Variants in KLHL29 observed in about 807,000 individuals in gnomAD.
KLHL29 encodes the protein kelch-like protein 29.
Under a neutral mutation model 80.4 loss-of-function variants are expected in KLHL29, and 21 were observed. That is an observed-to-expected ratio of 0.26 (90% CI 0.19 to 0.38). KLHL29 has a LOEUF of 0.38. Ranked by LOEUF, KLHL29 falls within the 10% of genes least tolerant of loss-of-function variation. KLHL29 has a pLI of 1.00. For synonymous variants in KLHL29, 511 were observed against 526.8 expected (o/e 0.97, Z 0.41); for missense variants, 867 against 1,223.9 (o/e 0.71, Z 4.35).
chr2:23,533,036 T>C (rs11679334), intron 2 of KLHL29, among the ~76,000 whole-genome samples: 83,228 of 152,036 alleles, frequency 0.55, 23,183 homozygotes, highest in Middle Eastern at 0.66. Context: ...CTGCCTGGCC[T>C]GGTCTTTGAC....
At chr2:23,636,531 A>G (rs1249839981) in intron 3 of KLHL29, among the ~76,000 whole-genome samples, 1 of 152,152 alleles carries the variant, frequency 6.6e-6, no homozygotes, top group East Asian at 1.9e-4. Context: ...CTCACAGCCC[A>G]TCTGGGCCCG....
At chr2:23,544,515 A>AGAAGCACTGTCC (rs1464028421) in intron 2 of KLHL29, among the ~76,000 whole-genome samples, 1 of 152,246 alleles carries the variant, frequency 6.6e-6, no homozygotes, top group African/African-American at 2.4e-5. Context: ...GTCTGTGTTT[A>AGAAGCACTGTCC]GAAGCACTGC....
chr2:23,523,352 A>C (rs1666168004), intron 2 of KLHL29, among the ~76,000 whole-genome samples: 1 of 152,196 alleles, frequency 6.6e-6, no homozygotes, highest in Non-Finnish European at 1.5e-5. Flanking sequence ...ATAAATACTA[A>C]ACGGTGGTTC....
At chr2:23,604,978 C>T (rs538354251) in intron 3 of KLHL29, among the ~76,000 whole-genome samples, 9 of 152,320 alleles carry the variant, frequency 5.9e-5, no homozygotes, top group East Asian at 1.9e-4. Flanking sequence ...TGGGAGGGTC[C>T]GCTGAGCGCC....
At chr2:23,395,586 G>A (rs1436480750) in intron 1 of KLHL29, among the ~76,000 whole-genome samples, 1 of 151,926 alleles carries the variant, frequency 6.6e-6, no homozygotes, top group East Asian at 1.9e-4. Context: ...CTCTACCAAA[G>A]CTACAAAAAT....
chr2:23,643,114 C>T (rs1243721424), intron 5 of KLHL29: 3 of 615,436 alleles, frequency 4.9e-6, no homozygotes, highest in Admixed American at 2.2e-5. Context: ...CTGCAAAGCC[C>T]AGAGCCCGTC....
At chr2:23,587,185 A>C (rs886936338) in intron 3 of KLHL29, among the ~76,000 whole-genome samples, 1 of 151,520 alleles carries the variant, frequency 6.6e-6, no homozygotes, top group Non-Finnish European at 1.5e-5. Context: ...GCTCTTAACC[A>C]AGGAAGCCAG....
intron 3 of KLHL29, among the ~76,000 whole-genome samples, chr2:23,605,134 A>G (rs1370205275): frequency 2.6e-5 from 2 of 77,864 alleles, no homozygotes; most frequent in African/African-American, 9.6e-5. Context: ...TTTTTTGGAG[A>G]CAGGGTTCAC....
chr2:23,693,896 A>G (rs562946996), intron 8 of KLHL29, among the ~76,000 whole-genome samples: 2 of 152,332 alleles, frequency 1.3e-5, no homozygotes, highest in South Asian at 4.1e-4. Context: ...AAACCCCTGC[A>G]TGCAGGAAGA....
chr2:23,391,008 T>G (rs1666309230), intron 1 of KLHL29, among the ~76,000 whole-genome samples: 1 of 152,230 alleles, frequency 6.6e-6, no homozygotes, highest in African/African-American at 2.4e-5. Flanking sequence ...CCAGAACCCT[T>G]CGTCTTGCAG....
At position 23,625,954 on chromosome 2, in the gene KLHL29, G is replaced by A. The variant is rs191761440; in HGVS notation, c.286-13185G>A. Among the ~76,000 whole-genome samples, 292 of 152,334 alleles carry A rather than the reference G, an allele frequency of 1.9e-3. 1 individual carries two copies. Among genetic ancestry groups the A allele is most frequent in the Admixed American group, 3.4e-3 (52 of 15,312 alleles). ...AGAGAGCCCTCCCCAGAACCTGCCCGTGCTGGCACACTGATCTCAGAGGTC... is the reference window on the plus strand; with the variant it reads ...AGAGAGCCCTCCCCAGAACCTGCCCATGCTGGCACACTGATCTCAGAGGTC... On this transcript the variant is annotated intron_variant, in intron 3 of 13. Coordinates refer to ENST00000486442, the MANE Select transcript of KLHL29 (RefSeq NM_052920.2).
chr2:23,704,029 G>C (rs1267495667), intron 13 of KLHL29, among the ~76,000 whole-genome samples, 166 bp downstream of exon 13: 1 of 152,202 alleles, frequency 6.6e-6, no homozygotes, highest in African/African-American at 2.4e-5. Flanking sequence ...GACCAGTAGG[G>C]TGGAGCCCAC....
chr2:23,422,128 TTGTG>T (rs1662831880), intron 1 of KLHL29, among the ~76,000 whole-genome samples: 1 of 151,556 alleles, frequency 6.6e-6, no homozygotes, highest in Non-Finnish European at 1.5e-5. Context: ...GGGTGGGTCT[TTGTG>T]TGTTGTGTGT....
intron 1 of KLHL29, among the ~76,000 whole-genome samples, chr2:23,425,739 G>A (rs1301806456): frequency 2.6e-5 from 4 of 152,214 alleles, no homozygotes; most frequent in East Asian, 1.9e-4. Flanking sequence ...GGGTGCAGGC[G>A]ACATCATTTC....
chr2:23,687,229 G>A (rs905658403), intron 6 of KLHL29, among the ~76,000 whole-genome samples: 6 of 149,244 alleles, frequency 4.0e-5, no homozygotes, highest in African/African-American at 1.2e-4. Context: ...ACCTCCGTGG[G>A]GATCAACATT....
intron 3 of KLHL29, among the ~76,000 whole-genome samples, chr2:23,602,733 C>T (rs1003762832): frequency 5.9e-5 from 9 of 151,704 alleles, no homozygotes; most frequent in East Asian, 3.9e-4. Context: ...GGATTACAGG[C>T]GTGAGGCACC....
rs1203093392 is a variant in KLHL29, at chr2:23,700,913, A to G, written c.2106-2273A>G. On this transcript the variant is annotated intron_variant, in intron 11 of 13. Transcript: ENST00000486442. This position sits in a 1 kb window ranked among gnomAD's most constrained non-coding sequence, Gnocchi z 4.6. ...TCTCAGCTCCCCTCTTAAAGACTAC[A>G]TTTCCCCAGTTTGTCCTCAGCCCCC... 2.6e-5 allele frequency among the ~76,000 whole-genome samples: 4 copies of G among 151,832 alleles called. No homozygotes were observed. Among genetic ancestry groups the G allele is most frequent in the Non-Finnish European group, 4.4e-5 (3 of 67,992 alleles).
At chr2:23,551,823 G>A (rs1244399886) in intron 2 of KLHL29, among the ~76,000 whole-genome samples, 1 of 152,092 alleles carries the variant, frequency 6.6e-6, no homozygotes, top group Non-Finnish European at 1.5e-5. Flanking sequence ...AGTAGTCCCA[G>A]GGCAAGGCCC....
chr2:23,686,563 C>T (rs1458838927), intron 6 of KLHL29, among the ~76,000 whole-genome samples: 1 of 152,028 alleles, frequency 6.6e-6, no homozygotes, highest in Admixed American at 6.6e-5. Flanking sequence ...AGCACCAGGA[C>T]CCAAGGAGGT....
Sources: allele counts gnomAD v4.1 joint callset (sites outside exome capture counted in the v4.1 genomes callset), GRCh38; gene constraint gnomAD v4.1.1; non-coding constraint Gnocchi (gnomAD v3.1); transcripts MANE v1.5; gene names NCBI Gene and HGNC (gene_info 2026-07-23, HGNC 2026-07-21).